The following OSBPL10 variants were observed in gnomAD, a reference collection of about 807,000 sequenced individuals.
OSBPL10 encodes oxysterol-binding protein-related protein 10.
Under a neutral mutation model 81.7 loss-of-function variants are expected in OSBPL10, and 49 were observed. The observed-to-expected ratio is 0.60, with a 90% CI of 0.48 to 0.76. OSBPL10 has a LOEUF of 0.76. OSBPL10 is among the 30% of genes least tolerant of loss of function. The pLI, the probability that OSBPL10 is intolerant of heterozygous loss-of-function variation, is 0.00. For missense variants in OSBPL10, 923 were observed against 987.8 expected, an observed-to-expected ratio of 0.93 and a Z score of 0.88; for synonymous variants, 419 against 383.6, an observed-to-expected ratio of 1.09 and a Z score of -1.08.
chr3:32,068,398 C>T (rs1253052137), intron 1 of OSBPL10, among the ~76,000 whole-genome samples: 4 of 152,092 alleles, frequency 2.6e-5, no homozygotes, highest in African/African-American at 9.7e-5. Context: ...ACATTGCAGC[C>T]CAGGGCTGCT....
intron 1 of OSBPL10, among the ~76,000 whole-genome samples, chr3:31,949,636 C>CAACAGAGCAAGTTGCAA (rs1251043521): frequency 8.0e-6 from 1 of 124,768 alleles, no homozygotes; most frequent in African/African-American, 3.2e-5. Flanking sequence ...TCACTGCACT[C>CAACAGAGCAAGTTGCAA]CAGCCTGGGC....
intron 3 of OSBPL10, among the ~76,000 whole-genome samples, chr3:31,859,163 G>GTTTTTTTT (rs948517574): frequency 6.6e-6 from 1 of 151,608 alleles, no homozygotes; most frequent in African/African-American, 2.4e-5. Context: ...CAGAAACCAG[G>GTTTTTTTT]TTTTTTTTTT....
At chr3:31,869,960 C>T (rs1266127529) in intron 3 of OSBPL10, among the ~76,000 whole-genome samples, 1 of 152,250 alleles carries the variant, frequency 6.6e-6, no homozygotes, top group Non-Finnish European at 1.5e-5. Flanking sequence ...AGCATGCTGG[C>T]AGTCCTCAGA....
intron 1 of OSBPL10, among the ~76,000 whole-genome samples, chr3:32,048,902 A>C (rs1236723379): frequency 6.6e-6 from 1 of 152,216 alleles, no homozygotes; most frequent in East Asian, 1.9e-4. Flanking sequence ...CATGGCAATG[A>C]AAGTGACCTC....
intron 1 of OSBPL10, among the ~76,000 whole-genome samples, chr3:32,072,758 C>G (rs1699840853): frequency 6.6e-6 from 1 of 152,170 alleles, no homozygotes; most frequent in African/African-American, 2.4e-5. Flanking sequence ...TGCCCTGAGT[C>G]AGGAAACTAA....
At chr3:31,990,351 A>T in intron 2 of OSBPL10, 1 of 1,614,126 alleles carries the variant, frequency 6.2e-7, no homozygotes. Flanking sequence ...ATGAAGAGAG[A>T]TCTTACAAGT....
At chr3:31,697,448 A>G (rs1186793393) in intron 7 of OSBPL10, among the ~76,000 whole-genome samples, 2 of 152,204 alleles carry the variant, frequency 1.3e-5, no homozygotes, top group African/African-American at 4.8e-5. Context: ...CTAATAATAA[A>G]TGGCAATTAA....
chr3:31,913,182 T>A (rs1229891407), intron 1 of OSBPL10, among the ~76,000 whole-genome samples: 1 of 152,078 alleles, frequency 6.6e-6, no homozygotes, highest in African/African-American at 2.4e-5. Flanking sequence ...CCCTGTAGGC[T>A]TTTGTAAAGG....
chr3:31,847,229 T>G (rs111824058), intron 3 of OSBPL10, among the ~76,000 whole-genome samples: 6 of 151,484 alleles, frequency 4.0e-5, no homozygotes, highest in African/African-American at 1.5e-4. Context: ...CAGAATTTCA[T>G]TTGGTAGCCC....
At chr3:31,929,141 C>T (rs1276894836) in intron 1 of OSBPL10, among the ~76,000 whole-genome samples, 2 of 152,142 alleles carry the variant, frequency 1.3e-5, no homozygotes, top group Non-Finnish European at 2.9e-5. Context: ...TACTCAACAT[C>T]CATTCACATC....
At chr3:31,694,775 A>G (rs1025250782) in intron 7 of OSBPL10, among the ~76,000 whole-genome samples, 23 of 152,218 alleles carry the variant, frequency 1.5e-4, no homozygotes, top group Non-Finnish European at 2.9e-4. Context: ...TTTTTTTGAG[A>G]CGGACTTTCA....
chr3:31,867,637 G>A (rs1351947056), intron 3 of OSBPL10, among the ~76,000 whole-genome samples: 3 of 152,146 alleles, frequency 2.0e-5, no homozygotes, highest in Admixed American at 2.0e-4. Context: ...CAGCTACTCA[G>A]GAGGCTGAGG....
intron 1 of OSBPL10, among the ~76,000 whole-genome samples, chr3:31,969,767 AT>A (rs1184916100): frequency 6.6e-6 from 1 of 152,140 alleles, no homozygotes; most frequent in East Asian, 1.9e-4. Context: ...AGGCAGGAGA[AT>A]AGCTTGAACC....
rs72861331 is a variant in OSBPL10 at position 31,806,771 on chromosome 3, C to T, written c.729+23269G>A. The stretch of plus-strand genomic sequence containing the variant: ...CCTGTGTGAGGAGGAGGCATTTGGA[C>T]AGAGGTCTAGAGGAAGTTGGGGGGT... On this transcript the variant is annotated intron_variant, in intron 4 of 11. Coordinates refer to ENST00000396556, the MANE Select transcript of OSBPL10 (RefSeq NM_017784.5). Among the ~76,000 whole-genome samples, 717 of 143,792 alleles carry T rather than the reference C, an allele frequency of 5.0e-3. 3 individuals carry two copies. Among genetic ancestry groups the T allele is most frequent in the African/African-American group, 0.018 (680 of 37,954 alleles). The allele number at this position is 143,792 out of a possible 152,430, so 94.3% of individuals were successfully genotyped here. A position where few individuals can be genotyped will look rare whatever the true frequency, so the allele number is the denominator to read the frequency against.
intron 4 of OSBPL10, among the ~76,000 whole-genome samples, chr3:31,749,607 G>A (rs1478286004): frequency 1.3e-5 from 2 of 152,144 alleles, no homozygotes; most frequent in African/African-American, 4.8e-5. Context: ...CTGAGGTCAG[G>A]AGCTCGAGAC....
intron 4 of OSBPL10, among the ~76,000 whole-genome samples, chr3:31,809,966 G>T (rs1699635462): frequency 6.8e-6 from 1 of 147,548 alleles, no homozygotes; most frequent in Admixed American, 6.9e-5. Flanking sequence ...CTGCCTCCTG[G>T]ATTCAAGCGA....
chr3:31,687,468 TAA>T (rs553961705), intron 7 of OSBPL10, among the ~76,000 whole-genome samples: 114 of 148,496 alleles, frequency 7.7e-4, no homozygotes, highest in African/African-American at 2.5e-3. Context: ...CTGAAGGATT[TAA>T]AAAAAAAAAT....
intron 3 of OSBPL10, among the ~76,000 whole-genome samples, chr3:31,837,376 GTAA>G (rs1700386394): frequency 8.7e-5 from 2 of 22,924 alleles, no homozygotes; most frequent in East Asian, 4.9e-3. Context: ...TATATATATA[GTAA>G]GTAACATAAC....
chr3:31,701,443 T>C (rs1695891460), intron 7 of OSBPL10, among the ~76,000 whole-genome samples: 1 of 152,046 alleles, frequency 6.6e-6, no homozygotes, highest in Admixed American at 6.6e-5. Context: ...CCACATAACA[T>C]AGCATTTCGT....
Sources: allele counts gnomAD v4.1 joint callset (sites outside exome capture counted in the v4.1 genomes callset), GRCh38; gene constraint gnomAD v4.1.1; transcripts MANE v1.5; gene names NCBI Gene and HGNC (gene_info 2026-07-23, HGNC 2026-07-21).